Variants in NLRP7 observed in about 807,000 individuals in gnomAD.
The protein encoded by NLRP7 is NLR family pyrin domain containing 7.
NLRP7 carries 72 observed loss-of-function variants against 85.5 expected under a neutral mutation model. The observed-to-expected ratio is 0.84, with a 90% CI of 0.70 to 1.02. The LOEUF is 1.02. NLRP7 is among the 50% of genes least tolerant of loss of function. The pLI is 0.00. For missense variants in NLRP7, 1,243 were observed against 1,219.5 expected, an observed-to-expected ratio of 1.02 and a Z score of -0.29; for synonymous variants, 550 against 505.2, an observed-to-expected ratio of 1.09 and a Z score of -1.19.
intron 3 of NLRP7, 67 bp from the exon 4 acceptor site, chr19:54,940,533 A>G: frequency 6.4e-7 from 1 of 1,568,310 alleles, no homozygotes; most frequent in Non-Finnish European, 8.7e-7. Flanking sequence ...TTTGTCAAGT[A>G]CCAGAAATGA....
chr19:54,937,429 T>C (rs2068981615), intron 5 of NLRP7, among the ~76,000 whole-genome samples: 1 of 151,578 alleles, frequency 6.6e-6, no homozygotes, highest in Admixed American at 6.6e-5. Flanking sequence ...TGGTGGCTCA[T>C]GCCTGTAATC....
chr19:54,948,681 T>C (rs1377005552), upstream of NLRP7, among the ~76,000 whole-genome samples: 2 of 152,144 alleles, frequency 1.3e-5, no homozygotes, highest in Non-Finnish European at 2.9e-5. Context: ...GCAATTCTGA[T>C]GCCTCAGCTT....
In NLRP7 at chr19:54,939,287, T is replaced by C. The variant is rs61743949; in HGVS notation, c.1532A>G (p.Lys511Arg). The change falls in exon 4 of 10, where the codon AAG becomes AGG. Residue 511 changes from lysine (K) to arginine (R), a missense_variant. Transcript: ENST00000340844. The stretch of plus-strand genomic sequence containing the variant: ...TCCTACTTGAATCAGGTCGGGGTTC[T>C]TGAGTCTTTCTTCTCCGGAAAGCAG... The C allele has an allele frequency of 0.015, 23,496 of 1,613,614 alleles. 350 individuals are homozygous for C. Among genetic ancestry groups the C allele is most frequent in the African/African-American group, 0.075 (5,599 of 74,840 alleles).
chr19:54,925,096 C>G (rs1373380521), intron 9 of NLRP7, among the ~76,000 whole-genome samples: 1 of 152,088 alleles, frequency 6.6e-6, no homozygotes, highest in Non-Finnish European at 1.5e-5. Context: ...TGTGGAGACA[C>G]TGGCTTGCTA....
intron 1 of NLRP7, among the ~76,000 whole-genome samples, chr19:54,954,030 A>AAAGGGCAACCGAGGCCAGACGTGGTGGC (rs1395778675): frequency 1.4e-4 from 21 of 148,958 alleles, no homozygotes; most frequent in Non-Finnish European, 2.4e-4. Flanking sequence ...ATAAATAAAA[A>AAAGGGCAACCGAGGCCAGACGTGGTGGC]TAAATAAAGC....
intron 9 of NLRP7, among the ~76,000 whole-genome samples, chr19:54,925,771 G>A (rs1354791534): frequency 1.3e-5 from 2 of 152,088 alleles, no homozygotes; most frequent in African/African-American, 4.8e-5. Flanking sequence ...GGCCGAGGTG[G>A]GCAGATCACC....
chr19:54,951,925 T>G (rs1344425678), upstream of NLRP7, among the ~76,000 whole-genome samples: 16 of 152,000 alleles, frequency 1.1e-4, no homozygotes, highest in Admixed American at 1.1e-3. Flanking sequence ...TAATTTTTTT[T>G]GTATTTTTAG....
intron 8 of NLRP7, among the ~76,000 whole-genome samples, chr19:54,931,484 G>A (rs531129857): frequency 2.0e-5 from 3 of 152,248 alleles, no homozygotes; most frequent in African/African-American, 7.2e-5. Flanking sequence ...GAGGTCGGGA[G>A]TTCAAGACCA....
intron 1 of NLRP7, among the ~76,000 whole-genome samples, chr19:54,960,861 C>T (rs1405141436): frequency 1.3e-5 from 2 of 152,034 alleles, no homozygotes; most frequent in African/African-American, 2.4e-5. Context: ...TCCCAAAGTG[C>T]TGGGATTACA....
At chr19:54,928,888 C>T (rs1057367206) in intron 9 of NLRP7, among the ~76,000 whole-genome samples, 40 of 151,874 alleles carry the variant, frequency 2.6e-4, no homozygotes, top group Non-Finnish European at 1.0e-4. Flanking sequence ...CTGCAACCTC[C>T]GCCTCCTGGG....
chr19:54,932,192 C>A (rs1045816420), intron 8 of NLRP7, among the ~76,000 whole-genome samples: 1 of 151,946 alleles, frequency 6.6e-6, no homozygotes, highest in Non-Finnish European at 1.5e-5. Context: ...CTTTGGGAGG[C>A]CGAGGCAGGC....
At chr19:54,929,430 G>C (rs1487525870) in intron 9 of NLRP7, among the ~76,000 whole-genome samples, 1 of 152,166 alleles carries the variant, frequency 6.6e-6, no homozygotes, top group African/African-American at 2.4e-5. Flanking sequence ...AAGCTAAGTA[G>C]TAATGACGTG....
chr19:54,926,600 T>C (rs2146143789), intron 9 of NLRP7, among the ~76,000 whole-genome samples: 1 of 151,682 alleles, frequency 6.6e-6, no homozygotes, highest in Middle Eastern at 3.4e-3. Flanking sequence ...ACCAACATGG[T>C]GAAACCCCAT....
rs200965650 is a variant in NLRP7 at position 54,934,576 on chromosome 19, C to A, written c.2384G>T (p.Arg795Leu). Residue 795 changes from arginine (R) to leucine (L), a missense_variant, in exon 7 of 10, where the codon CGT (arginine) becomes CTT (leucine). By Grantham distance (102) the Arg-to-Leu change is moderately radical. Transcript: ENST00000340844. The surrounding 1 kb of genome is among the most constrained non-coding windows in gnomAD (Gnocchi z 6.7). The stretch of plus-strand genomic sequence containing the variant: ...ATCCAGGAGCACATTGGCTGAGAGA[C>A]GCAGGTGCTTCAGGGACTGGTTGGC... The A allele has an allele frequency of 5.6e-5, 91 of 1,614,080 alleles. 1 individual carries two copies. In the Admixed American group the frequency reaches 9.2e-4, roughly 16 times the overall value.
At chr19:54,962,793 G>A (rs550443004) in intron 1 of NLRP7, among the ~76,000 whole-genome samples, 2,388 of 148,942 alleles carry the variant, frequency 0.016, 57 homozygotes, top group African/African-American at 0.055. Context: ...TAGAGACGGG[G>A]TTTCACCGTG....
Position 54,959,948 on chromosome 19 carries a change from G to A in NLRP7, c.-77+6092C>T, listed in dbSNP as rs577792639. Among the ~76,000 whole-genome samples, 9 of 151,974 alleles carry A rather than the reference G, an allele frequency of 5.9e-5. 1 individual carries two copies. In the South Asian group the frequency reaches 6.2e-4, roughly 11 times the overall value. ...CAGGCAATGTACACAGAGACCCAAGGCCTGGTGTAGACAGGCTTTCACAGA... is the reference window on the plus strand; with the variant it reads ...CAGGCAATGTACACAGAGACCCAAGACCTGGTGTAGACAGGCTTTCACAGA... On this transcript the variant is annotated intron_variant, in intron 1 of 2. Transcript: ENST00000587103.
intron 1 of NLRP7, among the ~76,000 whole-genome samples, chr19:54,947,050 C>T (rs186155579): frequency 2.6e-4 from 39 of 151,210 alleles, no homozygotes; most frequent in Non-Finnish European, 5.0e-4. Context: ...TTAGGCCAGG[C>T]GTGGTGGCTC....
intron 9 of NLRP7, 110 bp from the exon 10 acceptor site, chr19:54,927,885 T>C (rs2068515598): frequency 1.1e-6 from 1 of 901,726 alleles, no homozygotes; most frequent in South Asian, 1.3e-5. Context: ...TGAGGCCAGG[T>C]GTTCGAGACC....
At chr19:54,945,600 CTT>C in intron 1 of NLRP7, among the ~76,000 whole-genome samples, 1 of 151,068 alleles carries the variant, frequency 6.6e-6, no homozygotes, top group South Asian at 2.1e-4. Flanking sequence ...ACATTTTTTT[CTT>C]TTTTTCTTTT....
Sources: gnomAD v4.1 joint callset for allele counts (sites outside exome capture counted in the v4.1 genomes callset) on GRCh38, gnomAD v4.1.1 for gene constraint, Gnocchi (gnomAD v3.1) non-coding constraint, MANE v1.5 for transcripts, NCBI Gene and HGNC (gene_info 2026-07-23, HGNC 2026-07-21) for gene names.